ACACA: variants seen among roughly 807,000 people sequenced by gnomAD.
The protein encoded by ACACA is acetyl-CoA carboxylase alpha.
A neutral mutation model predicts 296.1 loss-of-function variants in ACACA; 103 were observed. The observed-to-expected ratio is 0.35, with a 90% CI of 0.30 to 0.41. The LOEUF (loss-of-function observed/expected upper bound fraction) is 0.41, where lower values mean the gene tolerates loss of function less well. ACACA is among the 10% of genes least tolerant of loss of function. ACACA has a pLI of 1.00. For synonymous variants in ACACA, 953 were observed against 1,038.6 expected (o/e 0.92, Z 1.58); for missense variants, 1,554 against 2,989.7 (o/e 0.52, Z 11.20).
intron 52 of ACACA, among the ~76,000 whole-genome samples, chr17:37,109,038 G>C (rs1043476039): frequency 2.0e-5 from 3 of 152,122 alleles, no homozygotes; most frequent in African/African-American, 7.2e-5. Context: ...CAATTTCCCA[G>C]TCTGAAAAAT....
rs2146612238 is a variant in ACACA at position 37,284,959 on chromosome 17, G to A, written c.350C>T (p.Ser117Phe). ...GLALHIRSSM[S>F]GLHLVKQGRD... ...GCCCTGCTTTACTAGGTGCAAGCCA[G>A]ACATGCTGGACCTATAAAAATACAG... The change falls in exon 4 of 56, where the codon TCT (serine) becomes TTT (phenylalanine). Residue 117 changes from serine (S) to phenylalanine (F), a missense_variant. Ser to Phe is a radical substitution (Grantham distance 155). Transcript: ENST00000616317. The A allele has an allele frequency of 5.6e-6, 9 of 1,614,120 alleles. No individual in the cohort carries two copies. The highest frequency in any genetic ancestry group is 7.6e-6 in the Non-Finnish European group (9 of 1,180,024).
chr17:37,278,379 C>T (rs2255527), intron 5 of ACACA, among the ~76,000 whole-genome samples: 41,056 of 151,956 alleles, frequency 0.27, 6,418 homozygotes, highest in African/African-American at 0.41. Context: ...CTTTAACTGG[C>T]ACTGGACCTA....
At chr17:37,108,539 C>A (rs1482603573) in intron 52 of ACACA, among the ~76,000 whole-genome samples, 4 of 152,126 alleles carry the variant, frequency 2.6e-5, no homozygotes, top group Admixed American at 2.6e-4. Context: ...CAGGCATGCA[C>A]CACCATGCCC....
chr17:37,240,637 A>C, intron 23 of ACACA, 73 bp from the exon 24 acceptor site: 3 of 1,207,494 alleles, frequency 2.5e-6, no homozygotes, highest in Non-Finnish European at 2.4e-6. Context: ...CAAAGGCCAA[A>C]TTTACCTCCA....
chr17:37,350,801 T>G (rs561803067), intron 1 of ACACA, among the ~76,000 whole-genome samples: 1 of 151,312 alleles, frequency 6.6e-6, no homozygotes, highest in Non-Finnish European at 1.5e-5. Context: ...ATCAGGCCAT[T>G]GTACTCCAAC....
At chr17:37,266,099 G>A (rs1196451298) in intron 10 of ACACA, among the ~76,000 whole-genome samples, 1 of 152,130 alleles carries the variant, frequency 6.6e-6, no homozygotes, top group African/African-American at 2.4e-5. Flanking sequence ...GGCACGTCAG[G>A]ATGCTGTGAG....
At chr17:37,167,106 G>A (rs1270307205) in intron 41 of ACACA, among the ~76,000 whole-genome samples, 4 of 146,364 alleles carry the variant, frequency 2.7e-5, no homozygotes, top group Non-Finnish European at 5.9e-5. Flanking sequence ...CACCAGGCCT[G>A]GCTAATTTTT....
chr17:37,122,380 A>T, intron 49 of ACACA, 151 bp downstream of exon 49: 1 of 754,164 alleles, frequency 1.3e-6, no homozygotes. Flanking sequence ...ACTCACCTTA[A>T]AAGTGAGCAC....
At chr17:37,172,999 T>C (rs2076935965) in intron 41 of ACACA, among the ~76,000 whole-genome samples, 1 of 152,166 alleles carries the variant, frequency 6.6e-6, no homozygotes, top group East Asian at 1.9e-4. Context: ...TCAATTTCTA[T>C]ACACAGCATG....
At chr17:37,228,882 G>A (rs1422295470) in intron 25 of ACACA, among the ~76,000 whole-genome samples, 2 of 152,112 alleles carry the variant, frequency 1.3e-5, no homozygotes, top group Non-Finnish European at 2.9e-5. Flanking sequence ...GGTGGCTCAC[G>A]CCTGTAATCC....
In ACACA at chr17:37,278,036, C is replaced by T; in HGVS notation, c.611-31G>A. The T allele has an allele frequency of 1.9e-6, 3 of 1,542,160 alleles. No individual in the cohort carries two copies. In the East Asian group the frequency reaches 6.8e-5, roughly 35 times the overall value. ...AATGCAAGCGAATTAATAGAGAACA[C>T]ATGATTTTTTTTTCCAGAAATATAA... On this transcript the variant is annotated intron_variant, in intron 5 of 55. Coordinates refer to ENST00000616317, the MANE Select transcript of ACACA (RefSeq NM_198834.3).
chr17:37,386,449 G>A lies in ACACA; in HGVS notation c.38+19813C>T, dbSNP rs145528015. Among the ~76,000 whole-genome samples the A allele has an allele frequency of 8.5e-3, 1,290 of 152,086 alleles. 14 individuals carry two copies. The highest frequency in any genetic ancestry group is 0.026 in the African/African-American group (1,075 of 41,488). On this transcript the variant is annotated intron_variant, in intron 1 of 55. Coordinates refer to ENST00000616317, the MANE Select transcript of ACACA (RefSeq NM_198834.3). ...TCTACTAAAAATACAAAAATTAGCC[G>A]GACGTGGTGGCAGGTACCTGTAACC...
intron 1 of ACACA, among the ~76,000 whole-genome samples, chr17:37,354,684 G>T (rs1057008610): frequency 1.1e-4 from 17 of 152,072 alleles, no homozygotes; most frequent in African/African-American, 4.1e-4. Context: ...CAACACTTTG[G>T]GAGGCTGAAG....
chr17:37,228,513 TA>T (rs1428378782), intron 25 of ACACA, among the ~76,000 whole-genome samples: 1 of 152,156 alleles, frequency 6.6e-6, no homozygotes, highest in African/African-American at 2.4e-5. Context: ...GAAATGCAAG[TA>T]AGTCTCACCT....
intron 52 of ACACA, among the ~76,000 whole-genome samples, chr17:37,101,640 C>T (rs554575955): frequency 3.9e-5 from 6 of 152,238 alleles, no homozygotes; most frequent in African/African-American, 1.2e-4. Flanking sequence ...TAGTAGTGTC[C>T]CTTTAATTTC....
intron 6 of ACACA, among the ~76,000 whole-genome samples, chr17:37,277,643 A>G (rs1368264489): frequency 6.6e-6 from 1 of 152,246 alleles, no homozygotes; most frequent in Admixed American, 6.5e-5. Context: ...ACTGGCTCAA[A>G]GGTGAGATAC....
At chr17:37,223,391 A>G (rs2079384577) in intron 28 of ACACA, 121 bp downstream of exon 28, 2 of 800,238 alleles carry the variant, frequency 2.5e-6, no homozygotes, top group South Asian at 1.4e-5. Flanking sequence ...AAAAGAGACT[A>G]ACTACCCTTA....
At chr17:37,203,653 G>C (rs1043682699) in intron 33 of ACACA, among the ~76,000 whole-genome samples, 5 of 152,078 alleles carry the variant, frequency 3.3e-5, no homozygotes, top group Non-Finnish European at 7.4e-5. Flanking sequence ...TGAGGCAGGA[G>C]AATCACTTGA....
rs1407055252 is a variant in ACACA, at chr17:37,097,617, G to A, written c.6720+213C>T. 1.3e-5 allele frequency among the ~76,000 whole-genome samples: 2 copies of A among 152,192 alleles called. No individual in the cohort carries two copies. Among genetic ancestry groups the A allele is most frequent in the Non-Finnish European group, 1.5e-5 (1 of 68,024 alleles). Reference sequence around the variant, plus strand: ...ACCAGTAAAATGCAGCTTGCCTCCTGAGGAATTAATGGAAACCTAAATTAT... The same window carrying A: ...ACCAGTAAAATGCAGCTTGCCTCCTAAGGAATTAATGGAAACCTAAATTAT... On this transcript the variant is annotated intron_variant, in intron 53 of 55. Transcript: ENST00000616317. This position sits in a 1 kb window ranked among gnomAD's most constrained non-coding sequence, Gnocchi z 4.8.
Sources: gnomAD v4.1 joint callset for allele counts (sites outside exome capture counted in the v4.1 genomes callset) on GRCh38, gnomAD v4.1.1 for gene constraint, Gnocchi (gnomAD v3.1) non-coding constraint, MANE v1.5 for transcripts, NCBI Gene and HGNC (gene_info 2026-07-23, HGNC 2026-07-21) for gene names.